Variants in ZNF597 observed in about 807,000 individuals in gnomAD.
ZNF597 encodes zinc finger protein 597.
ZNF597 carries 5 observed loss-of-function variants against 7.3 expected under a neutral mutation model. The observed-to-expected ratio is 0.68, with a 90% CI of 0.36 to 1.44. The LOEUF (loss-of-function observed/expected upper bound fraction) is 1.44. Among genes scored for constraint, ZNF597 ranks in the 40% most tolerant of loss-of-function variants. The pLI is 0.04. For missense variants in ZNF597, 585 were observed against 517.9 expected (o/e 1.13, Z -1.26); for synonymous variants, 209 against 185.4 (o/e 1.13, Z -1.04).
chr16:3,438,761 C>G (rs1371424319), intron 3 of ZNF597, among the ~76,000 whole-genome samples: 2 of 152,088 alleles, frequency 1.3e-5, no homozygotes, highest in African/African-American at 2.4e-5. Context: ...AAAATAACAG[C>G]CAATCTACTT....
chr16:3,437,466 T>G lies in ZNF597; in HGVS notation c.233A>C (p.Glu78Ala). Residue 78 changes from glutamate (E) to alanine (A), a missense_variant, in exon 4 of 4, where the codon GAA (glutamate) becomes GCA (alanine). By Grantham distance (107) the Glu-to-Ala change is moderately radical. Coordinates refer to ENST00000301744, the MANE Select transcript of ZNF597 (RefSeq NM_152457.3). ...ESMELDELAL[E>A]KYPIAAPLVP... is the part of the protein sequence containing the mutation. ...AAGGGGTGCAGCAATGGGGTACTTT[T>G]CTAAGGCAAGCTCGTCAAGTTCCAT... is the stretch of plus-strand genomic sequence containing the variant. 6.2e-7 allele frequency: 1 copy of G among 1,614,218 alleles called. No individual in the cohort carries two copies. The highest frequency in any genetic ancestry group is 8.5e-7 in the Non-Finnish European group (1 of 1,180,038).
At position 3,436,455 on chromosome 16, in the gene ZNF597, T is replaced by C. The variant is rs1238984989; in HGVS notation, c.1244A>G (p.His415Arg). The change falls in exon 4 of 4, where the codon CAT (histidine) becomes CGT (arginine). Residue 415 changes from histidine to arginine, a missense_variant. Coordinates refer to ENST00000301744, the MANE Select transcript of ZNF597 (RefSeq NM_152457.3). ...GGTGTTTTTTATGTGAGTTCGCTTA[T>C]GAGTAATGAGATGCAAATTCGACTT... Reference protein sequence around the residue: ...TFKSNLHLITHKRTHIKNTT With the variant: ...TFKSNLHLITRKRTHIKNTT 1.2e-6 allele frequency: 2 copies of C among 1,613,986 alleles called. No individual in the cohort carries two copies. Among genetic ancestry groups the C allele is most frequent in the Non-Finnish European group, 8.5e-7 (1 of 1,179,910 alleles).
chr16:3,440,667 T>C, intron 3 of ZNF597, 140 bp downstream of exon 3: 1 of 1,145,012 alleles, frequency 8.7e-7, no homozygotes, highest in Non-Finnish European at 1.2e-6. Flanking sequence ...TTTAAAACTT[T>C]TTCTCTCACA....
rs975236136 is a variant in ZNF597 at position 3,443,483 on chromosome 16, C to G, written c.-177G>C. Reference sequence around the variant, plus strand: ...ACTCCCACGCTCTCATGCTCCTTTACGCAGGAGCTGCGGGAAAAGCCGCCG... The same window carrying G: ...ACTCCCACGCTCTCATGCTCCTTTAGGCAGGAGCTGCGGGAAAAGCCGCCG... On this transcript the variant is annotated 5_prime_UTR_variant, in exon 1 of 4. Transcript: ENST00000301744. 2 of 517,962 alleles carry G rather than the reference C, an allele frequency of 3.9e-6. No homozygotes were observed. Among genetic ancestry groups the G allele is most frequent in the Non-Finnish European group, 6.7e-6 (2 of 296,962 alleles). 32.1% of individuals were successfully genotyped at this position (517,962 alleles called of 1,614,324 possible). A position where few individuals can be genotyped will look rare whatever the true frequency, so the allele number is the denominator to read the frequency against.
intron 3 of ZNF597, among the ~76,000 whole-genome samples, chr16:3,439,904 A>G (rs1244229173): frequency 6.6e-6 from 1 of 152,194 alleles, no homozygotes; most frequent in Non-Finnish European, 1.5e-5. Flanking sequence ...ACCATTATAA[A>G]TATACTCCAT....
Position 3,432,415 on chromosome 16 carries a change from T to C in ZNF597, c.*4009A>G, listed in dbSNP as rs2034264944. On this transcript the variant is annotated 3_prime_UTR_variant, in exon 4 of 4. Transcript: ENST00000301744. The stretch of plus-strand genomic sequence containing the variant: ...ATTTTTTTTAAAAAGTTCACTTCAT[T>C]GCCATCATCATAAAATAGCATTTAA... 6.6e-6 allele frequency: 1 copy of C among 152,180 alleles called. No individual in the cohort carries two copies. Among genetic ancestry groups the C allele is most frequent in the African/African-American group, 2.4e-5 (1 of 41,434 alleles). 9.4% of individuals were successfully genotyped at this position (152,180 alleles called of 1,614,324 possible).
At chr16:3,442,997 G>T in intron 2 of ZNF597, 124 bp downstream of exon 2, 1 of 1,126,798 alleles carries the variant, frequency 8.9e-7, no homozygotes, top group Non-Finnish European at 1.3e-6. Flanking sequence ...CTTGGTCAAA[G>T]GGCTATTTGG....
intron 3 of ZNF597, 77 bp downstream of exon 3, chr16:3,440,730 C>A: frequency 6.4e-7 from 1 of 1,569,222 alleles, no homozygotes; most frequent in Non-Finnish European, 8.7e-7. Flanking sequence ...TCCACCATAC[C>A]AACATCTGGA....
At chr16:3,440,400 C>T (rs1180416270) in intron 3 of ZNF597, among the ~76,000 whole-genome samples, 1 of 152,176 alleles carries the variant, frequency 6.6e-6, no homozygotes, top group African/African-American at 2.4e-5. Context: ...CTTTGGGAGG[C>T]CGAGGCGGGT....
At position 3,440,833 on chromosome 16, in the gene ZNF597, T is replaced by A. The variant is rs781258220; in HGVS notation, c.134A>T (p.Glu45Val). 6.2e-7 allele frequency: 1 copy of A among 1,613,948 alleles called. No homozygotes were observed. Among genetic ancestry groups the A allele is most frequent in the Non-Finnish European group, 8.5e-7 (1 of 1,179,942 alleles). Residue 45 changes from glutamate (E) to valine (V), a missense_variant, in exon 3 of 4, where the codon GAG becomes GTG. Physicochemically the swap from Glu to Val is moderately radical, Grantham distance 121. Transcript: ENST00000301744. ...QRSLSKDGTK[E>V]SLEDAALMGE... ...CATCAAAGCCGCATCCTCCAAAGAC[T>A]CTTTTGTACCATCTTTGCTGAGGGA...
intron 3 of ZNF597, among the ~76,000 whole-genome samples, chr16:3,440,059 A>G (rs550623382): frequency 6.6e-6 from 1 of 152,318 alleles, no homozygotes; most frequent in Admixed American, 6.5e-5. Flanking sequence ...ACTATTTAGA[A>G]TAACTACTTA....
At position 3,434,699 on chromosome 16, in the gene ZNF597, T is replaced by C. The variant is rs189444375; in HGVS notation, c.*1725A>G. 6.6e-6 allele frequency: 1 copy of C among 152,356 alleles called. No homozygotes were observed. The highest frequency in any genetic ancestry group is 1.9e-4 in the East Asian group (1 of 5,190). 9.4% of individuals were successfully genotyped at this position (152,356 alleles called of 1,614,324 possible). A position where few individuals can be genotyped will look rare whatever the true frequency, so the allele number is the denominator to read the frequency against. On this transcript the variant is annotated 3_prime_UTR_variant, in exon 4 of 4. Coordinates refer to ENST00000301744, the MANE Select transcript of ZNF597 (RefSeq NM_152457.3). ...AGCTGAGTAGCCAGCATTTTTTGTA[T>C]ATTTAGTCCTCAATCTGCTGTTCTG...
At chr16:3,441,348 G>A (rs1053947706) in intron 2 of ZNF597, among the ~76,000 whole-genome samples, 4 of 152,042 alleles carry the variant, frequency 2.6e-5, no homozygotes, top group Non-Finnish European at 4.4e-5. Flanking sequence ...TCAGGTGTTC[G>A]AGACCAGCCT....
Position 3,436,342 on chromosome 16 carries a change from G to T in ZNF597, c.*82C>A. 2 of 1,335,762 alleles carry T rather than the reference G, an allele frequency of 1.5e-6. No homozygotes were observed. 82.7% of individuals were successfully genotyped at this position (1,335,762 alleles called of 1,614,324 possible). A position where few individuals can be genotyped will look rare whatever the true frequency, so the allele number is the denominator to read the frequency against. On this transcript the variant is annotated 3_prime_UTR_variant, in exon 4 of 4. Transcript: ENST00000301744. ...ATGTGTGTAAAGTGCTTAGCACATTGCCTGGGACATATACAGTAACTGCTT... is the reference window on the plus strand; with the variant it reads ...ATGTGTGTAAAGTGCTTAGCACATTTCCTGGGACATATACAGTAACTGCTT...
chr16:3,436,033 T>C lies in ZNF597; in HGVS notation c.*391A>G, dbSNP rs1267781202. On this transcript the variant is annotated 3_prime_UTR_variant, in exon 4 of 4. Transcript: ENST00000301744. ...ATATAAAAGCATTTACTTTCCTAGA[T>C]ATGTCTGCAGAACTGGCAAAATATA... 5.6e-6 allele frequency: 1 copy of C among 177,790 alleles called. No homozygotes were observed. Among genetic ancestry groups the C allele is most frequent in the Non-Finnish European group, 1.2e-5 (1 of 84,708 alleles). 11.0% of individuals were successfully genotyped at this position (177,790 alleles called of 1,614,324 possible).
In ZNF597 at chr16:3,432,425, A is replaced by G. The variant is rs2034265017; in HGVS notation, c.*3999T>C. On this transcript the variant is annotated 3_prime_UTR_variant, in exon 4 of 4. Transcript: ENST00000301744. Reference sequence around the variant, plus strand: ...AAAAGTTCACTTCATTGCCATCATCATAAAATAGCATTTAATAGAAGCCAA... The same window carrying G: ...AAAAGTTCACTTCATTGCCATCATCGTAAAATAGCATTTAATAGAAGCCAA... The G allele has an allele frequency of 1.3e-5, 2 of 152,222 alleles. No homozygotes were observed. The highest frequency in any genetic ancestry group is 1.3e-4 in the Admixed American group (2 of 15,278). The allele number at this position is 152,222 out of a possible 1,614,324, so 9.4% of individuals were successfully genotyped here. A position where few individuals can be genotyped will look rare whatever the true frequency, so the allele number is the denominator to read the frequency against.
At chr16:3,439,131 C>T (rs915572184) in intron 3 of ZNF597, among the ~76,000 whole-genome samples, 1 of 152,016 alleles carries the variant, frequency 6.6e-6, no homozygotes, top group Admixed American at 6.5e-5. Flanking sequence ...GTAATCCCAG[C>T]ACATTGGGAG....
At chr16:3,443,301 T>A (rs7500590) in intron 1 of ZNF597, 59 bp downstream of exon 1, 3 of 750,764 alleles carry the variant, frequency 4.0e-6, no homozygotes, top group African/African-American at 3.7e-5. Flanking sequence ...GAACCCCCCC[T>A]TAAAAACCTA....
chr16:3,440,947 G>A lies in ZNF597; in HGVS notation c.34-14C>T, dbSNP rs2034361769. Reference sequence around the variant, plus strand: ...GAGTATTGGTCCCTGAAACACAAGAGCCTGTGTCAGCACAAGAGGGTGGAG... The same window carrying A: ...GAGTATTGGTCCCTGAAACACAAGAACCTGTGTCAGCACAAGAGGGTGGAG... On this transcript the variant is annotated splice_polypyrimidine_tract_variant and intron_variant, in intron 2 of 3. Coordinates refer to ENST00000301744, the MANE Select transcript of ZNF597 (RefSeq NM_152457.3). The A allele has an allele frequency of 1.2e-6, 2 of 1,611,426 alleles. No homozygotes were observed. Among genetic ancestry groups the A allele is most frequent in the East Asian group, 2.2e-5 (1 of 44,816 alleles).
Sources: allele counts gnomAD v4.1 joint callset (sites outside exome capture counted in the v4.1 genomes callset), GRCh38; gene constraint gnomAD v4.1.1; transcripts MANE v1.5; gene names NCBI Gene and HGNC (gene_info 2026-07-23, HGNC 2026-07-21).